Variants in CMTM8 observed in about 807,000 individuals in gnomAD.
CMTM8 encodes CKLF like MARVEL transmembrane domain containing 8.
In CMTM8, 12 loss-of-function variants were observed where a neutral mutation model predicts 18.6. That is an observed-to-expected ratio of 0.65 (90% CI 0.41 to 1.05). The LOEUF is 1.05. Among genes scored for constraint, CMTM8 ranks in the 50% least tolerant of loss-of-function variants. CMTM8 has a pLI of 0.00. For synonymous variants in CMTM8, 87 were observed against 90.6 expected, an observed-to-expected ratio of 0.96 and a Z score of 0.23; for missense variants, 217 against 227.2, an observed-to-expected ratio of 0.95 and a Z score of 0.29.
intron 1 of CMTM8, among the ~76,000 whole-genome samples, chr3:32,280,478 C>T (rs1004642301): frequency 6.6e-6 from 1 of 152,136 alleles, no homozygotes; most frequent in African/African-American, 2.4e-5. Flanking sequence ...CTTCTGCAAT[C>T]AATCAGACTG....
chr3:32,272,473 T>C (rs1211308161), intron 1 of CMTM8, among the ~76,000 whole-genome samples: 2 of 152,344 alleles, frequency 1.3e-5, no homozygotes, highest in Admixed American at 1.3e-4. Context: ...TTAGACTCTA[T>C]CTTCCATGTC....
At chr3:32,252,228 G>A (rs1479355543) in intron 1 of CMTM8, among the ~76,000 whole-genome samples, 1 of 152,144 alleles carries the variant, frequency 6.6e-6, no homozygotes, top group East Asian at 1.9e-4. Flanking sequence ...CTTATATGCA[G>A]AACTATTTCT....
intron 1 of CMTM8, among the ~76,000 whole-genome samples, chr3:32,266,571 C>G (rs1027895329): frequency 2.6e-5 from 4 of 152,176 alleles, no homozygotes; most frequent in African/African-American, 9.7e-5. Flanking sequence ...TCTCACCACT[C>G]CTATTCAACA....
chr3:32,249,437 G>GAA (rs66847705), intron 1 of CMTM8, among the ~76,000 whole-genome samples: 74 of 102,716 alleles, frequency 7.2e-4, no homozygotes, highest in African/African-American at 1.8e-3. Context: ...CTCAAAAAAT[G>GAA]AAAAAAAAAA....
intron 1 of CMTM8, among the ~76,000 whole-genome samples, chr3:32,300,834 C>G (rs964003073): frequency 3.9e-5 from 6 of 151,960 alleles, no homozygotes; most frequent in Non-Finnish European, 5.9e-5. Context: ...GTGGCACATG[C>G]CTGTAATCCC....
intron 1 of CMTM8, chr3:32,259,919 GA>G: frequency 9.1e-7 from 1 of 1,095,772 alleles, no homozygotes; most frequent in Non-Finnish European, 1.4e-6. Context: ...GAGGGAGGTG[GA>G]GGCCCGCTAC....
chr3:32,348,341 G>C (rs1696640180), intron 1 of CMTM8, among the ~76,000 whole-genome samples: 1 of 152,034 alleles, frequency 6.6e-6, no homozygotes, highest in Non-Finnish European at 1.5e-5. Context: ...CTTTGTACCT[G>C]ATGATCTGAA....
At chr3:32,286,769 A>G (rs1293495393) in intron 1 of CMTM8, among the ~76,000 whole-genome samples, 1 of 152,218 alleles carries the variant, frequency 6.6e-6, no homozygotes, top group East Asian at 1.9e-4. Context: ...ATGAGCTGAA[A>G]AAAAAGGGCG....
At chr3:32,266,132 C>T (rs1702339265) in intron 1 of CMTM8, among the ~76,000 whole-genome samples, 2 of 151,674 alleles carry the variant, frequency 1.3e-5, no homozygotes, top group Non-Finnish European at 1.5e-5. Context: ...GATACCAAAG[C>T]CTGGCAGAGA....
At chr3:32,294,542 C>A (rs180702133) in intron 1 of CMTM8, among the ~76,000 whole-genome samples, 1 of 152,098 alleles carries the variant, frequency 6.6e-6, no homozygotes, top group Non-Finnish European at 1.5e-5. Flanking sequence ...CACTTACTAT[C>A]TCTGGATCCT....
chr3:32,312,601 T>C (rs1253288718), intron 1 of CMTM8, among the ~76,000 whole-genome samples: 1 of 152,154 alleles, frequency 6.6e-6, no homozygotes, highest in African/African-American at 2.4e-5. Context: ...CTTGAAGCTC[T>C]GCAAACTCTG....
chr3:32,283,984 C>A (rs1702641398), intron 1 of CMTM8, among the ~76,000 whole-genome samples: 1 of 152,236 alleles, frequency 6.6e-6, no homozygotes. Context: ...GGCACAGTGC[C>A]TCACGCCTGT....
chr3:32,241,608 G>A (rs1156362691), intron 1 of CMTM8, among the ~76,000 whole-genome samples: 1 of 152,208 alleles, frequency 6.6e-6, no homozygotes, highest in African/African-American at 2.4e-5. Flanking sequence ...GCTAGGCTTA[G>A]CTATGATGTT....
intron 1 of CMTM8, among the ~76,000 whole-genome samples, chr3:32,332,705 T>C (rs946990449): frequency 6.6e-6 from 1 of 152,166 alleles, no homozygotes; most frequent in Non-Finnish European, 1.5e-5. Flanking sequence ...CGATGGGGCC[T>C]CTGGGGGCCT....
chr3:32,303,622 C>G lies in CMTM8; in HGVS notation c.148-53751C>G, dbSNP rs76706954. 1.7e-3 allele frequency among the ~76,000 whole-genome samples: 266 copies of G among 152,228 alleles called. 2 individuals are homozygous for G. The East Asian group carries it at 0.018, about 10-fold the overall frequency. On this transcript the variant is annotated intron_variant, in intron 1 of 3. Transcript: ENST00000307526. ...ACATTGATGGTAACCGAGCTTCCCC[C>G]CTCCCCCTCCCAACTGTAATTTTGA... is the stretch of plus-strand genomic sequence containing the variant.
intron 1 of CMTM8, among the ~76,000 whole-genome samples, chr3:32,312,043 G>A (rs1021945777): frequency 1.3e-5 from 2 of 152,196 alleles, no homozygotes; most frequent in South Asian, 2.1e-4. Context: ...CTTGGTTTAC[G>A]GAAGTAACAT....
At chr3:32,304,898 G>A (rs1695691725) in intron 1 of CMTM8, among the ~76,000 whole-genome samples, 1 of 152,242 alleles carries the variant, frequency 6.6e-6, no homozygotes, top group Admixed American at 6.5e-5. Context: ...TAAAGCTTAT[G>A]AGGAGGAATA....
Position 32,287,410 on chromosome 3 carries a change from A to G in CMTM8, c.147+48291A>G, listed in dbSNP as rs190058661. On this transcript the variant is annotated intron_variant, in intron 1 of 3. Transcript: ENST00000307526. The stretch of plus-strand genomic sequence containing the variant: ...TTTGCTCCTAAACAGGTTAAGGACC[A>G]ATGTGATACTGCCCTCACTCTTAAA... 1.8e-4 allele frequency among the ~76,000 whole-genome samples: 28 copies of G among 152,368 alleles called. No homozygotes were observed. The East Asian group carries it at 2.5e-3, about 14-fold the overall frequency.
intron 1 of CMTM8, among the ~76,000 whole-genome samples, chr3:32,311,876 T>C (rs890233270): frequency 1.3e-5 from 2 of 152,132 alleles, no homozygotes; most frequent in East Asian, 3.9e-4. Context: ...CTGAGGCAAA[T>C]TAACACAGGT....
Sources: allele counts gnomAD v4.1 joint callset (sites outside exome capture counted in the v4.1 genomes callset), GRCh38; gene constraint gnomAD v4.1.1; transcripts MANE v1.5; gene names NCBI Gene and HGNC (gene_info 2026-07-23, HGNC 2026-07-21).